Variants in PDE6C observed in about 807,000 individuals in gnomAD.
PDE6C encodes the protein phosphodiesterase 6C, also known as cone cGMP-specific 3',5'-cyclic phosphodiesterase subunit alpha'.
In PDE6C, 75 loss-of-function variants were observed where a neutral mutation model predicts 113.1. That is an observed-to-expected ratio of 0.66 (90% CI 0.55 to 0.80). The LOEUF is 0.80. Among genes scored for constraint, PDE6C ranks in the 30% least tolerant of loss-of-function variants. PDE6C has a pLI of 0.00. For missense variants in PDE6C, 912 were observed against 1,038.6 expected (o/e 0.88, Z 1.67); for synonymous variants, 375 against 363.7 (o/e 1.03, Z -0.35).
chr10:93,638,510 T>C (rs1181009585), intron 11 of PDE6C, among the ~76,000 whole-genome samples: 1 of 152,174 alleles, frequency 6.6e-6, no homozygotes, highest in Non-Finnish European at 1.5e-5. Context: ...TTGACATCCG[T>C]GTCACCAGAA....
chr10:93,625,554 C>T, intron 4 of PDE6C, 21 bp from the exon 5 acceptor site: 1 of 1,559,386 alleles, frequency 6.4e-7, no homozygotes, highest in African/African-American at 1.4e-5. Flanking sequence ...TTTAATGATA[C>T]TTAAATCTGA....
chr10:93,655,331 C>A (rs1337419742), intron 15 of PDE6C, among the ~76,000 whole-genome samples: 2 of 152,072 alleles, frequency 1.3e-5, no homozygotes, highest in Non-Finnish European at 2.9e-5. Flanking sequence ...TCTATGATCA[C>A]TCTAAAATTA....
intron 21 of PDE6C, among the ~76,000 whole-genome samples, chr10:93,664,260 T>C (rs911590775): frequency 6.6e-6 from 1 of 152,206 alleles, no homozygotes; most frequent in African/African-American, 2.4e-5. Flanking sequence ...ACATGGGCCA[T>C]GGAGAAGGCT....
rs576567485 is a variant in PDE6C, at chr10:93,661,435, T to C, written c.2209-624T>C. ...TCTTTACTCCCTTCTCCCTGACCCA[T>C]AGCACTTACACTATTATTGTTACAG... On this transcript the variant is annotated intron_variant, in intron 18 of 21. Transcript: ENST00000371447. Among the ~76,000 whole-genome samples the C allele has an allele frequency of 7.2e-5, 11 of 152,302 alleles. No individual in the cohort carries two copies. In the South Asian group the frequency reaches 2.1e-3, roughly 29 times the overall value.
rs67350128 is a variant in PDE6C at position 93,622,639 on chromosome 10, G to GTTTTTTTTTTTTTT, written c.864+577_864+578insTTTTTTTTTTTTTT. Among the ~76,000 whole-genome samples the GTTTTTTTTTTTTTT allele has an allele frequency of 3.9e-4, 44 of 113,982 alleles. 3 individuals are homozygous for GTTTTTTTTTTTTTT. Among genetic ancestry groups the GTTTTTTTTTTTTTT allele is most frequent in the African/African-American group, 1.4e-3 (38 of 26,754 alleles). The allele number at this position is 113,982 out of a possible 152,430, so 74.8% of individuals were successfully genotyped here. ...CCTTCCAAACTCCTGGTAGCCACAG[G>GTTTTTTTTTTTTTT]TTTTTTTTTTGTTTTTTTTTTTGTT... On this transcript the variant is annotated intron_variant, in intron 4 of 21. Transcript: ENST00000371447.
chr10:93,659,104 G>A lies in PDE6C; in HGVS notation c.2145G>A (p.Met715Ile). The A allele has an allele frequency of 6.2e-7, 1 of 1,609,996 alleles. No homozygotes were observed. ...TVDPTKKEII[M>I]AMMMTACDLS... ...TAAAATTTTTTGTTTTCTTCCTAAG[G>A]GCAATGATGATGACGGCATGTGACT... is the stretch of plus-strand genomic sequence containing the variant. The change falls in exon 18 of 22, where the codon ATG becomes ATA. Residue 715 changes from methionine (M) to isoleucine (I), a missense_variant and splice_region_variant. Met to Ile is a conservative substitution (Grantham distance 10). Coordinates refer to ENST00000371447, the MANE Select transcript of PDE6C (RefSeq NM_006204.4).
rs192204463 is a variant in PDE6C at position 93,653,298 on chromosome 10, G to A, written c.1936-2462G>A. 3.9e-3 allele frequency among the ~76,000 whole-genome samples: 588 copies of A among 152,264 alleles called. 3 individuals are homozygous for A. The highest frequency in any genetic ancestry group is 0.013 in the African/African-American group (551 of 41,536). Reference sequence around the variant, plus strand: ...AACCTGTATCCAGATTTGATTCAGAGATTCTGGACTGATATGTACAATAGA... The same window carrying A: ...AACCTGTATCCAGATTTGATTCAGAAATTCTGGACTGATATGTACAATAGA... On this transcript the variant is annotated intron_variant, in intron 15 of 21. Coordinates refer to ENST00000371447, the MANE Select transcript of PDE6C (RefSeq NM_006204.4).
intron 1 of PDE6C, among the ~76,000 whole-genome samples, chr10:93,619,952 C>G (rs2058437475): frequency 6.6e-6 from 1 of 152,050 alleles, no homozygotes; most frequent in South Asian, 2.1e-4. Flanking sequence ...GTGCACAAAT[C>G]TAAGAGGTGA....
intron 19 of PDE6C, 84 bp downstream of exon 19, chr10:93,662,217 C>T: frequency 1.2e-6 from 1 of 866,196 alleles, no homozygotes. Context: ...GTAATCCCAG[C>T]ACTTTGGGAG....
At chr10:93,618,393 G>A (rs895709592) in intron 1 of PDE6C, among the ~76,000 whole-genome samples, 14 of 152,070 alleles carry the variant, frequency 9.2e-5, no homozygotes, top group Admixed American at 3.9e-4. Context: ...ACAAAACGAG[G>A]ACACAGAAGG....
chr10:93,657,185 C>T (rs1488482086), intron 16 of PDE6C, among the ~76,000 whole-genome samples: 1 of 151,444 alleles, frequency 6.6e-6, no homozygotes, highest in Non-Finnish European at 1.5e-5. Flanking sequence ...TTTTTTGCGA[C>T]GGAGTCTCAC....
intron 10 of PDE6C, among the ~76,000 whole-genome samples, chr10:93,636,094 A>G (rs2058527823): frequency 6.6e-6 from 1 of 152,148 alleles, no homozygotes; most frequent in Non-Finnish European, 1.5e-5. Context: ...TGTGTCTCTC[A>G]TCCTTCTTGG....
intron 4 of PDE6C, 62 bp from the exon 5 acceptor site, chr10:93,625,513 T>A (rs907591947): frequency 1.8e-6 from 2 of 1,083,946 alleles, no homozygotes; most frequent in Admixed American, 3.4e-5. Flanking sequence ...ATAAAATTCA[T>A]ATAAGATATG....
At chr10:93,636,914 A>G (rs879044494) in intron 10 of PDE6C, 81 bp from the exon 11 acceptor site, 1 of 806,854 alleles carries the variant, frequency 1.2e-6, no homozygotes. Context: ...ATATATCTTA[A>G]CTAAGATTGT....
At chr10:93,626,331 T>TA (rs558877186) in intron 5 of PDE6C, among the ~76,000 whole-genome samples, 50 of 152,248 alleles carry the variant, frequency 3.3e-4, no homozygotes, top group Non-Finnish European at 5.7e-4. Context: ...CACTTGAAAA[T>TA]AAAAACAGAC....
intron 9 of PDE6C, among the ~76,000 whole-genome samples, chr10:93,635,130 A>G (rs901442715): frequency 6.6e-6 from 1 of 152,176 alleles, no homozygotes; most frequent in Non-Finnish European, 1.5e-5. Flanking sequence ...CAAAATTTGT[A>G]ATAATACTCG....
chr10:93,664,020 T>G (rs1201807203), intron 21 of PDE6C, among the ~76,000 whole-genome samples: 11 of 152,208 alleles, frequency 7.2e-5, no homozygotes, highest in Non-Finnish European at 1.5e-5. Context: ...AGAAAATATT[T>G]TTCTTAACAA....
At position 93,612,689 on chromosome 10, in the gene PDE6C, G is replaced by T. The variant is rs370130115; in HGVS notation, c.-37G>T. ...TGCCTCAGGTAGTGCTCTGAAGGTC[G>T]TCCTTTCTGAACAAACGCAGCAAAG... is the stretch of plus-strand genomic sequence containing the variant. On this transcript the variant is annotated 5_prime_UTR_variant, in exon 1 of 22. Transcript: ENST00000371447. 7 of 1,612,436 alleles carry T rather than the reference G, an allele frequency of 4.3e-6. No homozygotes were observed. In the Admixed American group the frequency reaches 1.0e-4, roughly 23 times the overall value.
chr10:93,650,741 A>G (rs1008821271), intron 15 of PDE6C, among the ~76,000 whole-genome samples: 1 of 152,220 alleles, frequency 6.6e-6, no homozygotes, highest in Non-Finnish European at 1.5e-5. Context: ...AATGACTATG[A>G]AAAATTATGA....
Sources: gnomAD v4.1 joint callset for allele counts (sites outside exome capture counted in the v4.1 genomes callset) on GRCh38, gnomAD v4.1.1 for gene constraint, MANE v1.5 for transcripts, NCBI Gene and HGNC (gene_info 2026-07-23, HGNC 2026-07-21) for gene names.